ZNF704: variants seen among roughly 807,000 people sequenced by gnomAD.
ZNF704 encodes the protein zinc finger protein 704, also known as glucocorticoid induced gene 1.
A neutral mutation model predicts 44.7 loss-of-function variants in ZNF704; 10 were observed. The observed-to-expected ratio is 0.22, with a 90% CI of 0.14 to 0.38. ZNF704 has a LOEUF of 0.38. Ranked by LOEUF, ZNF704 falls within the 10% of genes least tolerant of loss-of-function variation. ZNF704 has a pLI of 1.00. For synonymous variants in ZNF704, 211 were observed against 207.6 expected (o/e 1.02, Z -0.14); for missense variants, 390 against 545.5 (o/e 0.71, Z 2.84).
chr8:80,834,894 T>C (rs942778256), intron 1 of ZNF704, among the ~76,000 whole-genome samples: 1 of 152,250 alleles, frequency 6.6e-6, no homozygotes, highest in Non-Finnish European at 1.5e-5. Context: ...TAGTATTCCA[T>C]GGTGTATATG....
chr8:80,650,645 T>C (rs543249334), intron 7 of ZNF704, among the ~76,000 whole-genome samples: 1 of 152,286 alleles, frequency 6.6e-6, no homozygotes, highest in East Asian at 1.9e-4. Context: ...GAACAAAGCC[T>C]CCAAGAAATA....
chr8:80,826,244 A>G (rs529350547), intron 1 of ZNF704, among the ~76,000 whole-genome samples: 2 of 152,300 alleles, frequency 1.3e-5, no homozygotes, highest in Admixed American at 1.3e-4. Flanking sequence ...CATAAAGGAG[A>G]TATCACCACC....
upstream of ZNF704, among the ~76,000 whole-genome samples, chr8:80,878,051 C>T (rs1016130719): frequency 2.0e-5 from 3 of 152,114 alleles, no homozygotes; most frequent in African/African-American, 2.4e-5. Context: ...CTACTGTCCG[C>T]GTGCTTTGGT....
chr8:80,806,973 A>C (rs902475624), intron 2 of ZNF704, among the ~76,000 whole-genome samples: 8 of 152,224 alleles, frequency 5.3e-5, no homozygotes, highest in Non-Finnish European at 1.0e-4. Flanking sequence ...TGACCAAAGC[A>C]GAAAGTCTAC....
At chr8:80,722,329 C>T (rs1228059642) in intron 2 of ZNF704, among the ~76,000 whole-genome samples, 2 of 152,212 alleles carry the variant, frequency 1.3e-5, no homozygotes, top group African/African-American at 2.4e-5. Context: ...TAATCTCAGG[C>T]AGATTACATT....
chr8:80,767,301 A>G (rs749536024), intron 2 of ZNF704, among the ~76,000 whole-genome samples: 27 of 152,028 alleles, frequency 1.8e-4, no homozygotes, highest in Non-Finnish European at 3.4e-4. Flanking sequence ...CACCCATTAA[A>G]GTATTCATTG....
At chr8:80,722,160 A>C (rs1349090320) in intron 2 of ZNF704, among the ~76,000 whole-genome samples, 2 of 152,160 alleles carry the variant, frequency 1.3e-5, no homozygotes, top group Non-Finnish European at 1.5e-5. Context: ...GGATTGCCTG[A>C]GTCTGGGAGA....
rs546685956 is a variant in ZNF704, at chr8:80,664,027, G to A, written c.927+788C>T. Among the ~76,000 whole-genome samples the A allele has an allele frequency of 5.3e-5, 8 of 151,168 alleles. No individual in the cohort carries two copies. The East Asian group carries it at 1.4e-3, about 26-fold the overall frequency. ...ATTACAGGTGTGAGCCACTGTGCCC[G>A]GCCTTATTTTTTTTTTAAACAGATA... On this transcript the variant is annotated intron_variant, in intron 6 of 8. Transcript: ENST00000327835.
intron 2 of ZNF704, among the ~76,000 whole-genome samples, chr8:80,795,120 C>G (rs1421949029): frequency 1.3e-5 from 2 of 152,162 alleles, no homozygotes; most frequent in East Asian, 3.8e-4. Context: ...CAAGCGCACA[C>G]ACAGAGCTTA....
intron 1 of ZNF704, among the ~76,000 whole-genome samples, chr8:80,848,230 T>C (rs529473854): frequency 1.3e-5 from 2 of 152,254 alleles, no homozygotes; most frequent in African/African-American, 4.8e-5. Context: ...TCCCAGGGGT[T>C]AGGAACGGCG....
At chr8:80,785,205 T>A (rs995231264) in intron 2 of ZNF704, among the ~76,000 whole-genome samples, 1 of 152,180 alleles carries the variant, frequency 6.6e-6, no homozygotes, top group African/African-American at 2.4e-5. Context: ...TGGTGAAGTA[T>A]TTTACAGAAT....
chr8:80,708,831 GTCT>G (rs1260922493), intron 2 of ZNF704, among the ~76,000 whole-genome samples: 5 of 149,790 alleles, frequency 3.3e-5, no homozygotes, highest in East Asian at 1.9e-4. Flanking sequence ...CTACCTATCT[GTCT>G]TCTTTCCTTT....
chr8:80,748,750 A>G (rs59294605), intron 2 of ZNF704, among the ~76,000 whole-genome samples: 1,572 of 152,272 alleles, frequency 0.01, 28 homozygotes, highest in African/African-American at 0.036. Flanking sequence ...TTAGAGTCGG[A>G]AAGACACCAA....
intron 4 of ZNF704, among the ~76,000 whole-genome samples, chr8:80,686,056 T>C (rs1037672116): frequency 6.6e-6 from 1 of 152,248 alleles, no homozygotes; most frequent in Non-Finnish European, 1.5e-5. Context: ...TTAGTGGTAG[T>C]ATAGTGGTAG....
At chr8:80,701,649 TGAGGA>T (rs1240600687) in intron 2 of ZNF704, among the ~76,000 whole-genome samples, 1 of 151,920 alleles carries the variant, frequency 6.6e-6, no homozygotes, top group Non-Finnish European at 1.5e-5. Flanking sequence ...AGGAAAGAAA[TGAGGA>T]GAGGAGTCCA....
At chr8:80,690,227 A>G (rs771627744) in intron 3 of ZNF704, among the ~76,000 whole-genome samples, 1 of 152,226 alleles carries the variant, frequency 6.6e-6, no homozygotes, top group Non-Finnish European at 1.5e-5. Context: ...TGCTAACGAA[A>G]GTTTGCATTG....
intron 7 of ZNF704, among the ~76,000 whole-genome samples, chr8:80,650,045 G>A (rs1817891754): frequency 6.6e-6 from 1 of 152,188 alleles, no homozygotes; most frequent in African/African-American, 2.4e-5. Context: ...TGATACCCAG[G>A]CAAACAGGGT....
chr8:80,741,173 TAGTC>T (rs1272435374), intron 2 of ZNF704, among the ~76,000 whole-genome samples: 2 of 152,104 alleles, frequency 1.3e-5, no homozygotes, highest in South Asian at 2.1e-4. Flanking sequence ...TATGGCAAAA[TAGTC>T]AGGCCATTAA....
chr8:80,724,687 C>A (rs916446963), intron 2 of ZNF704, among the ~76,000 whole-genome samples: 16 of 152,094 alleles, frequency 1.1e-4, no homozygotes, highest in African/African-American at 3.4e-4. Context: ...CCGACTGAAC[C>A]CAAGTTCTAC....
Sources: gnomAD v4.1 joint callset for allele counts (sites outside exome capture counted in the v4.1 genomes callset) on GRCh38, gnomAD v4.1.1 for gene constraint, MANE v1.5 for transcripts, NCBI Gene and HGNC (gene_info 2026-07-23, HGNC 2026-07-21) for gene names.